ARHGAP6: variants seen among roughly 807,000 people sequenced by gnomAD.
ARHGAP6 encodes the protein Rho GTPase activating protein 6, also known as rho GTPase-activating protein 6.
A neutral mutation model predicts 55.7 loss-of-function variants in ARHGAP6; 16 were observed. The observed-to-expected ratio is 0.29, with a 90% CI of 0.19 to 0.44. The LOEUF is 0.44. Among genes scored for constraint, ARHGAP6 ranks in the 20% least tolerant of loss-of-function variants. The pLI, the probability that ARHGAP6 is intolerant of heterozygous loss-of-function variation, is 1.00. For missense variants in ARHGAP6, 698 were observed against 808.9 expected, an observed-to-expected ratio of 0.86 and a Z score of 1.66; for synonymous variants, 382 against 360.9, an observed-to-expected ratio of 1.06 and a Z score of -0.66.
chrX:11,212,978 C>T (rs893163536), intron 2 of ARHGAP6, among the ~76,000 whole-genome samples: 5 of 112,729 alleles, frequency 4.4e-5, no homozygotes, highest in African/African-American at 1.6e-4. Context: ...CGTGTGGGGC[C>T]ACGCCCCCTG....
intron 1 of ARHGAP6, among the ~76,000 whole-genome samples, chrX:11,487,723 G>GCAAGT (rs2147844510): frequency 9.0e-6 from 1 of 111,677 alleles, no homozygotes; most frequent in South Asian, 3.7e-4. Context: ...CAAAATAAAT[G>GCAAGT]AAAGTAAAGG....
intron 1 of ARHGAP6, among the ~76,000 whole-genome samples, chrX:11,630,973 C>T (rs2052354214): frequency 9.1e-6 from 1 of 110,430 alleles, no homozygotes; most frequent in South Asian, 3.9e-4. Flanking sequence ...TGAAAGCGGC[C>T]GCTTGGCTGC....
At chrX:11,497,559 T>TTCTCTCTC (rs34138329) in intron 1 of ARHGAP6, among the ~76,000 whole-genome samples, 4,856 of 41,014 alleles carry the variant, frequency 0.12, 494 homozygotes, top group African/African-American at 0.26. Flanking sequence ...CCCTCCCTCC[T>TTCTCTCTC]TCTCTCTCTC....
intron 1 of ARHGAP6, among the ~76,000 whole-genome samples, chrX:11,560,917 T>G (rs143241640): frequency 8.9e-6 from 1 of 112,439 alleles, no homozygotes; most frequent in Non-Finnish European, 1.9e-5. Flanking sequence ...AAGCACTTTC[T>G]GCAGGCCAGT....
intron 1 of ARHGAP6, among the ~76,000 whole-genome samples, chrX:11,607,398 G>C (rs149941236): frequency 2.7e-5 from 3 of 111,833 alleles, no homozygotes; most frequent in Non-Finnish European, 5.6e-5. Context: ...GCCAGATCCA[G>C]AAATGAATGG....
chrX:11,316,381 A>G (rs1035491812), intron 1 of ARHGAP6, among the ~76,000 whole-genome samples: 18 of 112,299 alleles, frequency 1.6e-4, no homozygotes, highest in African/African-American at 5.5e-4. Context: ...TCCCACAGAA[A>G]GGTTTGGAGA....
At chrX:11,663,049 AATCTGC>A (rs2052718028) in intron 1 of ARHGAP6, among the ~76,000 whole-genome samples, 1 of 112,335 alleles carries the variant, frequency 8.9e-6, no homozygotes, top group Admixed American at 9.4e-5. Context: ...AGTTTTTTGT[AATCTGC>A]ACCCCCAACA....
At chrX:11,161,509 C>T (rs899357337) in intron 9 of ARHGAP6, among the ~76,000 whole-genome samples, 3 of 111,124 alleles carry the variant, frequency 2.7e-5, no homozygotes, top group Non-Finnish European at 5.7e-5. Flanking sequence ...CATCAATCAC[C>T]TTCTTTAGGA....
intron 2 of ARHGAP6, among the ~76,000 whole-genome samples, chrX:11,237,254 G>C (rs1233587763): frequency 8.9e-6 from 1 of 112,230 alleles, no homozygotes; most frequent in East Asian, 2.8e-4. Flanking sequence ...ATGTCTGCTG[G>C]GGACAAAGAC....
chrX:11,388,736 G>T (rs1446680389), intron 1 of ARHGAP6, among the ~76,000 whole-genome samples: 1 of 111,746 alleles, frequency 8.9e-6, no homozygotes, highest in Admixed American at 9.5e-5. Flanking sequence ...TTTGTATAAG[G>T]TGTAAGGAAA....
chrX:11,535,702 G>A (rs955425215), intron 1 of ARHGAP6, among the ~76,000 whole-genome samples: 2 of 111,411 alleles, frequency 1.8e-5, no homozygotes, highest in African/African-American at 6.5e-5. Flanking sequence ...TTCTGGGGCT[G>A]CATTCCAGTC....
chrX:11,460,001 C>T (rs2050229009), intron 1 of ARHGAP6, among the ~76,000 whole-genome samples: 1 of 111,925 alleles, frequency 8.9e-6, no homozygotes, highest in East Asian at 2.8e-4. Context: ...ATTCCCATCC[C>T]CTGGTATATA....
At chrX:11,298,749 C>A in intron 1 of ARHGAP6, 1 of 1,211,413 alleles carries the variant, frequency 8.3e-7, no homozygotes, top group Non-Finnish European at 1.1e-6. Context: ...CCAACACCAC[C>A]AGCCAAACCT....
intron 1 of ARHGAP6, among the ~76,000 whole-genome samples, chrX:11,352,747 A>G: frequency 9.0e-6 from 1 of 111,497 alleles, no homozygotes; most frequent in African/African-American, 3.3e-5. Context: ...TCCAGTACCC[A>G]TGGGGAATCT....
rs1363986821 is a variant in ARHGAP6 at position 11,522,413 on chromosome X, C to T, written c.588+141828G>A. On this transcript the variant is annotated intron_variant, in intron 1 of 12. Coordinates refer to ENST00000337414, the MANE Select transcript of ARHGAP6 (RefSeq NM_013427.3). ...AGCAGAACTGAAGGAGATAGAGACA[C>T]AAAAAACCCTTCAAAAAATCAACGA... Among the ~76,000 whole-genome samples the T allele has an allele frequency of 2.7e-5, 3 of 111,023 alleles. No homozygotes were observed. The East Asian group carries it at 8.5e-4, about 31-fold the overall frequency.
chrX:11,173,113 C>T (rs750966783), intron 8 of ARHGAP6, among the ~76,000 whole-genome samples: 9 of 112,131 alleles, frequency 8.0e-5, no homozygotes, highest in South Asian at 3.7e-4. Context: ...TAGAAAGAAG[C>T]GAAGCTGGTG....
chrX:11,423,620 C>T (rs924466542), intron 1 of ARHGAP6, among the ~76,000 whole-genome samples: 6 of 112,463 alleles, frequency 5.3e-5, no homozygotes, highest in Non-Finnish European at 1.1e-4. Flanking sequence ...AAAACTAGGT[C>T]TCAACTACTA....
At chrX:11,457,186 A>AG (rs2050201242) in intron 1 of ARHGAP6, among the ~76,000 whole-genome samples, 1 of 111,936 alleles carries the variant, frequency 8.9e-6, no homozygotes, top group Non-Finnish European at 1.9e-5. Context: ...GGATGCTGTT[A>AG]GAAGACATGA....
At chrX:11,634,499 T>C (rs2052396330) in intron 1 of ARHGAP6, among the ~76,000 whole-genome samples, 1 of 111,577 alleles carries the variant, frequency 9.0e-6, no homozygotes, top group East Asian at 2.8e-4. Flanking sequence ...ATAAGATATG[T>C]AGTCATTGTA....
Sources: gnomAD v4.1 joint callset for allele counts (sites outside exome capture counted in the v4.1 genomes callset) on GRCh38, gnomAD v4.1.1 for gene constraint, MANE v1.5 for transcripts, NCBI Gene and HGNC (gene_info 2026-07-23, HGNC 2026-07-21) for gene names.